Variants in RNF220 observed in about 807,000 individuals in gnomAD.
The protein encoded by RNF220 is ring finger protein 220, also known as E3 ubiquitin-protein ligase RNF220.
RNF220 carries 7 observed loss-of-function variants against 67.1 expected under a neutral mutation model. That is an observed-to-expected ratio of 0.10 (90% confidence interval 0.06 to 0.20). The LOEUF (loss-of-function observed/expected upper bound fraction) is 0.20. RNF220 is among the 10% of genes least tolerant of loss of function. The pLI is 1.00. For missense variants in RNF220, 565 were observed against 740.3 expected (o/e 0.76, Z 2.75); for synonymous variants, 270 against 283.2 (o/e 0.95, Z 0.47).
chr1:44,518,342 T>G (rs1372170048), intron 2 of RNF220, among the ~76,000 whole-genome samples: 1 of 152,142 alleles, frequency 6.6e-6, no homozygotes, highest in African/African-American at 2.4e-5. Context: ...GGAGGATCGC[T>G]TGAGCTCGGG....
rs76106673 is a variant in RNF220, at chr1:44,473,663, A to G, written c.625+60941A>G. 0.012 allele frequency among the ~76,000 whole-genome samples: 1,828 copies of G among 152,156 alleles called. 57 individuals carry two copies. The South Asian group carries it at 0.12, about 10-fold the overall frequency. ...AGTGAACCAAGCCTGATTGAAGATA[A>G]TTTCCTTCAGAGGGGTCAGCTGAGA... On this transcript the variant is annotated intron_variant, in intron 2 of 14. Transcript: ENST00000361799.
At position 44,621,802 on chromosome 1, in the gene RNF220, G is replaced by T. The variant is rs1051827711; in HGVS notation, c.759-940G>T. Among the ~76,000 whole-genome samples, 3 of 152,144 alleles carry T rather than the reference G, an allele frequency of 2.0e-5. No individual in the cohort carries two copies. Among genetic ancestry groups the T allele is most frequent in the Non-Finnish European group, 4.4e-5 (3 of 68,048 alleles). On this transcript the variant is annotated intron_variant, in intron 3 of 14. Transcript: ENST00000361799. This position sits in a 1 kb window ranked among gnomAD's most constrained non-coding sequence, Gnocchi z 4.8. ...GGGTATATCTGCAGGTGTGCTGTAC[G>T]TTATACCTCATATGTGTGTCTGTGC... is the stretch of plus-strand genomic sequence containing the variant.
chr1:44,542,992 C>T (rs1202266936), intron 2 of RNF220, among the ~76,000 whole-genome samples: 1 of 152,138 alleles, frequency 6.6e-6, no homozygotes, highest in African/African-American at 2.4e-5. Flanking sequence ...TGTCTCTCGG[C>T]AGTGTTGCTA....
chr1:44,501,706 C>T (rs1402326164), intron 2 of RNF220, among the ~76,000 whole-genome samples: 1 of 152,164 alleles, frequency 6.6e-6, no homozygotes, highest in African/African-American at 2.4e-5. Context: ...CCAAGCACAG[C>T]GGCGGCGGCA....
At chr1:44,532,397 T>G (rs1466738167) in intron 2 of RNF220, among the ~76,000 whole-genome samples, 1 of 152,226 alleles carries the variant, frequency 6.6e-6, no homozygotes, top group East Asian at 1.9e-4. Flanking sequence ...ATTGTTATCC[T>G]TACTTCTACT....
intron 2 of RNF220, among the ~76,000 whole-genome samples, chr1:44,539,823 A>G (rs760356601): frequency 1.3e-5 from 2 of 152,066 alleles, no homozygotes; most frequent in Non-Finnish European, 2.9e-5. Context: ...CTCTCCCCCA[A>G]TCTATGCTCC....
intron 2 of RNF220, among the ~76,000 whole-genome samples, chr1:44,513,751 C>A (rs762523109): frequency 3.3e-5 from 5 of 152,282 alleles, no homozygotes; most frequent in Admixed American, 1.3e-4. Flanking sequence ...CCTCTTCTTC[C>A]CCCCAGGGCA....
At chr1:44,514,992 G>C (rs1659339119) in intron 2 of RNF220, among the ~76,000 whole-genome samples, 1 of 152,152 alleles carries the variant, frequency 6.6e-6, no homozygotes, top group Non-Finnish European at 1.5e-5. Flanking sequence ...GTCAGTCATG[G>C]GGGAACAAAC....
chr1:44,614,043 C>A (rs1643434699), intron 2 of RNF220, 122 bp from the exon 3 acceptor site: 1 of 1,338,172 alleles, frequency 7.5e-7, no homozygotes. Flanking sequence ...CCCTCAGGCC[C>A]CTCCTCTAGG....
intron 2 of RNF220, among the ~76,000 whole-genome samples, chr1:44,558,788 A>G (rs1354255899): frequency 6.6e-6 from 1 of 152,198 alleles, no homozygotes; most frequent in Non-Finnish European, 1.5e-5. Flanking sequence ...TCAACATGAC[A>G]TGTTATAGCC....
chr1:44,536,603 C>T (rs971873624), intron 2 of RNF220, among the ~76,000 whole-genome samples: 4 of 152,248 alleles, frequency 2.6e-5, no homozygotes, highest in East Asian at 1.9e-4. Context: ...TGGGGAAGGA[C>T]GGATCTCTTT....
chr1:44,623,864 A>C (rs1643874958), intron 4 of RNF220, among the ~76,000 whole-genome samples: 1 of 152,240 alleles, frequency 6.6e-6, no homozygotes, highest in Non-Finnish European at 1.5e-5. Context: ...GGTGGTCAGC[A>C]GTCAAACAGG....
chr1:44,564,816 T>G (rs1454035630), intron 2 of RNF220, among the ~76,000 whole-genome samples: 1 of 152,000 alleles, frequency 6.6e-6, no homozygotes, highest in East Asian at 1.9e-4. Flanking sequence ...CTCACTAATC[T>G]GTTCTCCACA....
At chr1:44,425,395 C>T (rs1649656056) in intron 2 of RNF220, among the ~76,000 whole-genome samples, 1 of 152,054 alleles carries the variant, frequency 6.6e-6, no homozygotes, top group Non-Finnish European at 1.5e-5. Context: ...TTGGTAAATA[C>T]TTGTTGTTAA....
chr1:44,588,381 G>A (rs1308081314), intron 2 of RNF220, among the ~76,000 whole-genome samples: 1 of 152,236 alleles, frequency 6.6e-6, no homozygotes, highest in Non-Finnish European at 1.5e-5. Context: ...TAGGCGAGCT[G>A]CTCTTCAGGC....
intron 1 of RNF220, among the ~76,000 whole-genome samples, chr1:44,406,888 G>T (rs1458119764): frequency 6.6e-6 from 1 of 152,252 alleles, no homozygotes; most frequent in Non-Finnish European, 1.5e-5. Context: ...GAGCCTCTCC[G>T]AGAGCTCGCG....
chr1:44,446,644 C>G (rs1374325748), intron 2 of RNF220, among the ~76,000 whole-genome samples: 3 of 151,640 alleles, frequency 2.0e-5, no homozygotes, highest in Non-Finnish European at 2.9e-5. Context: ...ACTGCAACCT[C>G]CACCTCCGGG....
At position 44,649,534 on chromosome 1, in the gene RNF220, A is replaced by G. The variant is rs1644734462; in HGVS notation, c.1446-127A>G. 2 of 815,290 alleles carry G rather than the reference A, an allele frequency of 2.5e-6. No homozygotes were observed. The highest frequency in any genetic ancestry group is 3.1e-5 in the South Asian group (2 of 63,994). The allele number at this position is 815,290 out of a possible 1,614,324, so 50.5% of individuals were successfully genotyped here. On this transcript the variant is annotated intron_variant, in intron 12 of 14. Coordinates refer to ENST00000361799, the MANE Select transcript of RNF220 (RefSeq NM_018150.4). This position sits in a 1 kb window ranked among gnomAD's most constrained non-coding sequence, Gnocchi z 5.9. ...AATTTGCAGATTCAGGTTATCAGAG[A>G]AAGGGGGCAGGCAGGGATGCCTAGG...
At chr1:44,582,440 A>C (rs1423082977) in intron 2 of RNF220, among the ~76,000 whole-genome samples, 1 of 152,210 alleles carries the variant, frequency 6.6e-6, no homozygotes, top group African/African-American at 2.4e-5. Flanking sequence ...TGAGGTACCC[A>C]AAGCCAAGTA....
Sources: gnomAD v4.1 joint callset for allele counts (sites outside exome capture counted in the v4.1 genomes callset) on GRCh38, gnomAD v4.1.1 for gene constraint, Gnocchi (gnomAD v3.1) non-coding constraint, MANE v1.5 for transcripts, NCBI Gene and HGNC (gene_info 2026-07-23, HGNC 2026-07-21) for gene names.